PARP11: variants seen among roughly 807,000 people sequenced by gnomAD.
PARP11 encodes the protein poly(ADP-ribose) polymerase family member 11, also known as protein mono-ADP-ribosyltransferase PARP11.
A neutral mutation model predicts 42.9 loss-of-function variants in PARP11; 31 were observed. That is an observed-to-expected ratio of 0.72 (90% CI 0.54 to 0.98). The LOEUF (loss-of-function observed/expected upper bound fraction) is 0.98, where lower values mean the gene tolerates loss of function less well. Among genes scored for constraint, PARP11 ranks in the 50% least tolerant of loss-of-function variants. PARP11 has a pLI of 0.00. For missense variants in PARP11, 365 were observed against 413.1 expected, an observed-to-expected ratio of 0.88 and a Z score of 1.01; for synonymous variants, 137 against 127.3, an observed-to-expected ratio of 1.08 and a Z score of -0.51.
At chr12:3,867,302 C>A (rs753071853) in intron 1 of PARP11, among the ~76,000 whole-genome samples, 1 of 152,048 alleles carries the variant, frequency 6.6e-6, no homozygotes, top group African/African-American at 2.4e-5. Context: ...TCAGAGTATG[C>A]GCTCTCAGAT....
At chr12:3,854,849 A>C (rs1591533241) in intron 1 of PARP11, among the ~76,000 whole-genome samples, 1 of 152,192 alleles carries the variant, frequency 6.6e-6, no homozygotes, top group African/African-American at 2.4e-5. Flanking sequence ...TTTTAGACCA[A>C]TATCCCTGAT....
chr12:3,851,635 A>G (rs1222417409), intron 1 of PARP11, among the ~76,000 whole-genome samples: 1 of 152,064 alleles, frequency 6.6e-6, no homozygotes, highest in Non-Finnish European at 1.5e-5. Context: ...GCCCACCGCA[A>G]CTCAATGAGG....
At chr12:3,832,572 T>A (rs774752837) in intron 1 of PARP11, among the ~76,000 whole-genome samples, 1 of 152,196 alleles carries the variant, frequency 6.6e-6, no homozygotes, top group African/African-American at 2.4e-5. Context: ...ATGCATTTTA[T>A]AAGATTAAAC....
chr12:3,869,089 T>C (rs2138138480), intron 1 of PARP11, among the ~76,000 whole-genome samples: 1 of 152,346 alleles, frequency 6.6e-6, no homozygotes. Flanking sequence ...TTGACCATTC[T>C]TCCATAGTCA....
At chr12:3,873,128 G>T in intron 1 of PARP11, 84 bp downstream of exon 1, 1 of 1,268,222 alleles carries the variant, frequency 7.9e-7, no homozygotes, top group South Asian at 1.3e-5. Flanking sequence ...AGCGAGCGCG[G>T]GGAAGCAGTT....
At chr12:3,844,723 A>G (rs1428647050) in intron 1 of PARP11, among the ~76,000 whole-genome samples, 3 of 152,220 alleles carry the variant, frequency 2.0e-5, no homozygotes, top group Admixed American at 2.0e-4. Flanking sequence ...ATATGATGGA[A>G]GAAGTGCTTG....
At chr12:3,821,561 G>A (rs991321332) in intron 6 of PARP11, among the ~76,000 whole-genome samples, 19 of 152,192 alleles carry the variant, frequency 1.2e-4, no homozygotes, top group Non-Finnish European at 2.2e-4. Flanking sequence ...TCTAATAAAA[G>A]GCTTAGCCAA....
At position 3,821,855 on chromosome 12, in the gene PARP11, G is replaced by A; in HGVS notation, c.548+18C>T. 1.3e-6 allele frequency: 2 copies of A among 1,596,022 alleles called. No homozygotes were observed. Among genetic ancestry groups the A allele is most frequent in the Non-Finnish European group, 8.5e-7 (1 of 1,174,906 alleles). ...GACATAGTGGAAAGGAGAAGTTTCA[G>A]ATTAGAAATCATCTCACCTGCAAAA... On this transcript the variant is annotated intron_variant, in intron 6 of 7. Transcript: ENST00000228820.
At chr12:3,816,048 A>G (rs1947281003) in intron 6 of PARP11, among the ~76,000 whole-genome samples, 1 of 152,242 alleles carries the variant, frequency 6.6e-6, no homozygotes, top group Non-Finnish European at 1.5e-5. Context: ...ATTAAGCATG[A>G]CATCAGAAGG....
chr12:3,811,753 A>G lies in PARP11; in HGVS notation c.*370T>C, dbSNP rs533775103. ...ACATTTATGTCTGTATTTTTTTTCA[A>G]CATTTATACGAATAAGTCTATTTAA... On this transcript the variant is annotated 3_prime_UTR_variant, in exon 8 of 8. Coordinates refer to ENST00000228820, the MANE Select transcript of PARP11 (RefSeq NM_020367.6). The G allele has an allele frequency of 5.2e-5, 9 of 174,556 alleles. No individual in the cohort carries two copies. The East Asian group carries it at 1.1e-3, about 22-fold the overall frequency. 10.8% of individuals were successfully genotyped at this position (174,556 alleles called of 1,614,324 possible).
chr12:3,815,925 T>G (rs1313205558), intron 6 of PARP11, among the ~76,000 whole-genome samples: 2 of 152,240 alleles, frequency 1.3e-5, no homozygotes, highest in Non-Finnish European at 2.9e-5. Flanking sequence ...TACCTGCATT[T>G]AAATGGTGAC....
chr12:3,820,035 C>G (rs1947361891), intron 6 of PARP11, among the ~76,000 whole-genome samples: 1 of 152,212 alleles, frequency 6.6e-6, no homozygotes, highest in African/African-American at 2.4e-5. Flanking sequence ...TCCACATCCC[C>G]TACTTTTGTT....
intron 7 of PARP11, among the ~76,000 whole-genome samples, chr12:3,813,034 A>T (rs1195563368): frequency 1.3e-5 from 2 of 152,044 alleles, no homozygotes; most frequent in Non-Finnish European, 2.9e-5. Flanking sequence ...TGAACTCTTG[A>T]CCTCAGGTGA....
intron 3 of PARP11, among the ~76,000 whole-genome samples, chr12:3,827,525 C>T (rs978400028): frequency 3.3e-5 from 5 of 152,162 alleles, no homozygotes; most frequent in African/African-American, 1.2e-4. Context: ...CTAAAAATGC[C>T]TACCAGATAC....
intron 1 of PARP11, among the ~76,000 whole-genome samples, chr12:3,838,833 C>T (rs1947819905): frequency 6.6e-6 from 1 of 152,200 alleles, no homozygotes; most frequent in African/African-American, 2.4e-5. Context: ...GTTTCCTCGG[C>T]TCCCGGCGTG....
At chr12:3,856,222 T>C (rs1948186394) in intron 1 of PARP11, among the ~76,000 whole-genome samples, 1 of 152,158 alleles carries the variant, frequency 6.6e-6, no homozygotes, top group African/African-American at 2.4e-5. Flanking sequence ...GGGCAAGGAC[T>C]TCATGACTAA....
At chr12:3,837,063 A>C (rs1947781365) in intron 1 of PARP11, among the ~76,000 whole-genome samples, 1 of 152,174 alleles carries the variant, frequency 6.6e-6, no homozygotes, top group East Asian at 1.9e-4. Flanking sequence ...GTAGGACTAC[A>C]ATCCCTAACC....
At chr12:3,868,863 G>A (rs898887118) in intron 1 of PARP11, among the ~76,000 whole-genome samples, 4 of 152,250 alleles carry the variant, frequency 2.6e-5, no homozygotes, top group Admixed American at 2.0e-4. Context: ...TACCACAAAC[G>A]CAGTGGCTTA....
intron 1 of PARP11, 102 bp downstream of exon 1, chr12:3,873,110 C>T (rs1948523536): frequency 8.7e-7 from 1 of 1,148,100 alleles, no homozygotes; most frequent in East Asian, 2.6e-5. Flanking sequence ...ACTCAACACC[C>T]AGACTGAAGC....
Sources: gnomAD v4.1 joint callset for allele counts (sites outside exome capture counted in the v4.1 genomes callset) on GRCh38, gnomAD v4.1.1 for gene constraint, MANE v1.5 for transcripts, NCBI Gene and HGNC (gene_info 2026-07-23, HGNC 2026-07-21) for gene names.